The following TIPIN variants were observed in gnomAD, a reference collection of about 807,000 sequenced individuals.
TIPIN encodes the protein TIMELESS-interacting protein.
A neutral mutation model predicts 35.6 loss-of-function variants in TIPIN; 29 were observed. The observed-to-expected ratio is 0.82, with a 90% confidence interval of 0.61 to 1.11. TIPIN has a LOEUF of 1.11. TIPIN is among the 50% of genes most tolerant of loss of function. The pLI, the probability that TIPIN is intolerant of heterozygous loss-of-function variation, is 0.00. For synonymous variants in TIPIN, 102 were observed against 121.5 expected, an observed-to-expected ratio of 0.84 and a Z score of 1.06; for missense variants, 296 against 345.4, an observed-to-expected ratio of 0.86 and a Z score of 1.13.
chr15:66,363,460 G>A (rs1265698424), intron 1 of TIPIN, among the ~76,000 whole-genome samples: 2 of 151,770 alleles, frequency 1.3e-5, no homozygotes, highest in Non-Finnish European at 2.9e-5. Flanking sequence ...TGGCTAACAT[G>A]GTGAAACCCC....
intron 4 of TIPIN, among the ~76,000 whole-genome samples, chr15:66,350,111 G>A (rs779448292): frequency 1.4e-4 from 21 of 151,894 alleles, no homozygotes; most frequent in Admixed American, 3.3e-4. Context: ...AGAGGTGTGC[G>A]CCACCACACC....
intron 1 of TIPIN, among the ~76,000 whole-genome samples, chr15:66,374,625 G>C (rs1264369771): frequency 6.6e-6 from 1 of 152,044 alleles, no homozygotes; most frequent in African/African-American, 2.4e-5. Flanking sequence ...TGTTGCCCAG[G>C]CTGGAGTGCA....
intron 1 of TIPIN, among the ~76,000 whole-genome samples, chr15:66,372,612 G>T (rs1566985312): frequency 6.6e-6 from 1 of 152,136 alleles, no homozygotes; most frequent in Non-Finnish European, 1.5e-5. Flanking sequence ...TCCCATAAGA[G>T]TACAATAATA....
chr15:66,352,291 TAACTA>T, intron 2 of TIPIN, 84 bp from the exon 3 acceptor site: 1 of 1,099,616 alleles, frequency 9.1e-7, no homozygotes, highest in Non-Finnish European at 1.3e-6. Flanking sequence ...GCTGATAAGA[TAACTA>T]AACATGGGAC....
chr15:66,345,466 G>A (rs1040410233), intron 6 of TIPIN, among the ~76,000 whole-genome samples: 7 of 152,164 alleles, frequency 4.6e-5, no homozygotes, highest in African/African-American at 9.7e-5. Context: ...TGTAACTCTA[G>A]CACTTTGGGA....
chr15:66,364,840 C>T (rs1269915407), intron 1 of TIPIN, among the ~76,000 whole-genome samples: 3 of 151,628 alleles, frequency 2.0e-5, no homozygotes, highest in Non-Finnish European at 4.4e-5. Flanking sequence ...GTGGCAGGCG[C>T]CTGTAATCCC....
At chr15:66,359,691 G>T (rs371221605), upstream of TIPIN, among the ~76,000 whole-genome samples, 7 of 152,196 alleles carry the variant, frequency 4.6e-5, no homozygotes, top group Admixed American at 2.0e-4. Context: ...CATTTCAGTA[G>T]TCTGAATTGT....
chr15:66,379,340 T>C, intron 1 of TIPIN: 1 of 1,593,200 alleles, frequency 6.3e-7, no homozygotes, highest in Non-Finnish European at 8.5e-7. Flanking sequence ...TTAGATCTTA[T>C]TCATCATCCT....
intron 1 of TIPIN, among the ~76,000 whole-genome samples, chr15:66,375,254 C>T (rs1368152352): frequency 6.6e-6 from 1 of 151,960 alleles, no homozygotes; most frequent in Non-Finnish European, 1.5e-5. Flanking sequence ...ATAGCTACTA[C>T]ACTTTAGCCT....
At chr15:66,364,935 C>T (rs2093247388) in intron 1 of TIPIN, among the ~76,000 whole-genome samples, 1 of 106,376 alleles carries the variant, frequency 9.4e-6, no homozygotes, top group Non-Finnish European at 1.8e-5. Context: ...CACTGCATTC[C>T]AGCCTGGGTG....
chr15:66,377,661 GTTT>G, intron 1 of TIPIN, among the ~76,000 whole-genome samples: 1 of 150,340 alleles, frequency 6.7e-6, no homozygotes, highest in East Asian at 2.0e-4. Context: ...CAGCGCCTGG[GTTT>G]TTTTTTGTTT....
rs757848258 is a variant in TIPIN, at chr15:66,366,597, CAAAAAAAA to C, written c.-8-13650_-8-13643del. 2.9e-4 allele frequency among the ~76,000 whole-genome samples: 27 copies of C among 92,230 alleles called. No homozygotes were observed. The East Asian group carries it at 6.9e-3, about 24-fold the overall frequency. The allele number at this position is 92,230 out of a possible 152,430, so 60.5% of individuals were successfully genotyped here. A position where few individuals can be genotyped will look rare whatever the true frequency, so the allele number is the denominator to read the frequency against. On this transcript the variant is annotated intron_variant, in intron 1 of 7. Transcript: ENST00000562124. ...TGAAACCTTGTCTCTACTAAATATA[CAAAAAAAA>C]AAAAAAAAAAAATTAGCCAGGTGTG... is the stretch of plus-strand genomic sequence containing the variant.
intron 1 of TIPIN, among the ~76,000 whole-genome samples, chr15:66,367,104 G>C (rs955989829): frequency 6.6e-6 from 1 of 151,422 alleles, no homozygotes; most frequent in African/African-American, 2.4e-5. Flanking sequence ...CGCTCAAAAT[G>C]GGGATGCAGA....
intron 1 of TIPIN, among the ~76,000 whole-genome samples, chr15:66,370,064 T>C (rs2140489068): frequency 6.6e-6 from 1 of 152,298 alleles, no homozygotes; most frequent in East Asian, 1.9e-4. Flanking sequence ...CAAACCAGAC[T>C]TGAAAATAAG....
Position 66,349,096 on chromosome 15 carries a change from G to A in TIPIN, c.439C>T (p.Leu147Phe). ...QTCLKRIRLDLPILHEDFVSN... is the reference protein window; with the variant it reads ...QTCLKRIRLDFPILHEDFVSN... ...ACAAAATCTTCATGTAAAATAGGGA[G>A]ATCAAGTCGAATTCGTTTTAAACAG... Residue 147 changes from leucine to phenylalanine, a missense_variant, in exon 6 of 8, where the codon CTC (leucine) becomes TTC (phenylalanine). By Grantham distance (22) the Leu-to-Phe change is conservative. Transcript: ENST00000261881. 6.2e-7 allele frequency: 1 copy of A among 1,610,316 alleles called. No individual in the cohort carries two copies. Among genetic ancestry groups the A allele is most frequent in the Non-Finnish European group, 8.5e-7 (1 of 1,178,208 alleles).
At chr15:66,338,720 A>G (rs1281623633) in intron 7 of TIPIN, among the ~76,000 whole-genome samples, 1 of 150,818 alleles carries the variant, frequency 6.6e-6, no homozygotes, top group Non-Finnish European at 1.5e-5. Context: ...AGGCTGAGGC[A>G]CGAGAATGGC....
At chr15:66,370,329 T>C (rs1447192549) in intron 1 of TIPIN, among the ~76,000 whole-genome samples, 1 of 152,176 alleles carries the variant, frequency 6.6e-6, no homozygotes, top group Non-Finnish European at 1.5e-5. Flanking sequence ...TGAAATTGCA[T>C]CATCTTTCAC....
intron 1 of TIPIN, among the ~76,000 whole-genome samples, chr15:66,355,666 A>G (rs1294033623): frequency 4.6e-5 from 7 of 152,004 alleles, no homozygotes; most frequent in African/African-American, 7.2e-5. Flanking sequence ...CAGGAGAATC[A>G]TTTGAACCCA....
At chr15:66,370,508 C>T (rs1348166997) in intron 1 of TIPIN, among the ~76,000 whole-genome samples, 5 of 128,924 alleles carry the variant, frequency 3.9e-5, no homozygotes, top group African/African-American at 1.5e-4. Flanking sequence ...GGGCATGGGG[C>T]GGGGTGCAGA....
Sources: gnomAD v4.1 joint callset for allele counts (sites outside exome capture counted in the v4.1 genomes callset) on GRCh38, gnomAD v4.1.1 for gene constraint, MANE v1.5 for transcripts, NCBI Gene and HGNC (gene_info 2026-07-23, HGNC 2026-07-21) for gene names.